CSNK1G1: variants seen among roughly 807,000 people sequenced by gnomAD.
The protein encoded by CSNK1G1 is casein kinase I isoform gamma-1.
CSNK1G1 carries 22 observed loss-of-function variants against 59.6 expected under a neutral mutation model. The observed-to-expected ratio is 0.37, with a 90% CI of 0.26 to 0.53. CSNK1G1 has a LOEUF of 0.53. Among genes scored for constraint, CSNK1G1 ranks in the 20% least tolerant of loss-of-function variants. The probability of loss-of-function intolerance (pLI) is 0.89; values close to 1 mark genes in which losing one functional copy is unlikely to be tolerated. For missense variants in CSNK1G1, 384 were observed against 519.5 expected (o/e 0.74, Z 2.54); for synonymous variants, 179 against 177.1 (o/e 1.01, Z -0.08).
chr15:64,238,512 A>ATATATATATATATATATATAT (rs1555396850), intron 4 of CSNK1G1, among the ~76,000 whole-genome samples: 1 of 114,118 alleles, frequency 8.8e-6, no homozygotes, highest in African/African-American at 4.3e-5. Context: ...AAAAAAAAAA[A>ATATATATATATATATATATAT]AAAAAAATAT....
intron 9 of CSNK1G1, among the ~76,000 whole-genome samples, chr15:64,203,694 TAA>T (rs531367701): frequency 0.071 from 3,990 of 56,030 alleles, 69 homozygotes; most frequent in South Asian, 0.11. Flanking sequence ...TGAAACTCCG[TAA>T]AAAAAAAAAA....
intron 1 of CSNK1G1, among the ~76,000 whole-genome samples, chr15:64,335,469 A>ATGACTGCCTATAC (rs1452351737): frequency 6.6e-6 from 1 of 152,158 alleles, no homozygotes; most frequent in Non-Finnish European, 1.5e-5. Context: ...GTCAGTCACC[A>ATGACTGCCTATAC]TGACTGCCTA....
chr15:64,222,620 G>A (rs2082405919), intron 4 of CSNK1G1, among the ~76,000 whole-genome samples: 1 of 150,820 alleles, frequency 6.6e-6, no homozygotes, highest in African/African-American at 2.4e-5. Context: ...TCAAATATAA[G>A]CTGGTAGTGA....
At chr15:64,184,818 A>G (rs952138634) in intron 10 of CSNK1G1, among the ~76,000 whole-genome samples, 1 of 152,222 alleles carries the variant, frequency 6.6e-6, no homozygotes, top group Non-Finnish European at 1.5e-5. Flanking sequence ...GAGAAAGACT[A>G]AGATGAAGGA....
In CSNK1G1 at chr15:64,171,963, T is replaced by C. The variant is rs2081672453; in HGVS notation, c.1237A>G (p.Lys413Glu). The change falls in exon 12 of 12, where the codon AAA (lysine) becomes GAA (glutamate). Residue 413 changes from lysine (K) to glutamate (E), a missense_variant. Physicochemically the swap from Lys to Glu is moderately conservative, Grantham distance 56. Around this residue, in one of 3 missense-constraint regions of CSNK1G1, gnomAD observed 325 missense variants for 440.9 expected, o/e 0.74. Transcript: ENST00000303052. This position sits in a 1 kb window ranked among gnomAD's most constrained non-coding sequence, Gnocchi z 4.8. Reference sequence around the variant, plus strand: ...TGGCGCTGAGCAGTCTTCTTCCTTTTCCTCTTAAAGAAACAGCAGCACCTG... The same window carrying C: ...TGGCGCTGAGCAGTCTTCTTCCTTTCCCTCTTAAAGAAACAGCAGCACCTG... ...EAKCCCFFKR[K>E]RKKTAQRHK The C allele has an allele frequency of 6.2e-7, 1 of 1,614,008 alleles. No homozygotes were observed.
chr15:64,316,499 G>A (rs188008096), intron 1 of CSNK1G1, among the ~76,000 whole-genome samples: 1 of 129,288 alleles, frequency 7.7e-6, no homozygotes, highest in Non-Finnish European at 1.5e-5. Flanking sequence ...TCATGCCACT[G>A]TTCTCCAGCC....
In CSNK1G1 at chr15:64,300,606, G is replaced by C. The variant is rs993312148; in HGVS notation, c.-107C>G. The C allele has an allele frequency of 9.0e-6, 13 of 1,442,896 alleles. No homozygotes were observed. Among genetic ancestry groups the C allele is most frequent in the African/African-American group, 1.4e-5 (1 of 70,318 alleles). 89.4% of individuals were successfully genotyped at this position (1,442,896 alleles called of 1,614,324 possible). On this transcript the variant is annotated 5_prime_UTR_variant, in exon 2 of 12. Coordinates refer to ENST00000303052, the MANE Select transcript of CSNK1G1 (RefSeq NM_022048.5). Reference sequence around the variant, plus strand: ...ATAAATTGTAGTCAGAGAAAGGTAAGGAGTTCTTTTAGCACCATATTTGTT... The same window carrying C: ...ATAAATTGTAGTCAGAGAAAGGTAACGAGTTCTTTTAGCACCATATTTGTT...
chr15:64,325,657 C>G (rs562411569), intron 1 of CSNK1G1, among the ~76,000 whole-genome samples: 1 of 152,072 alleles, frequency 6.6e-6, no homozygotes, highest in African/African-American at 2.4e-5. Context: ...AATCACATCT[C>G]TAAATTTTTA....
Position 64,201,751 on chromosome 15 carries a change from T to TG in CSNK1G1, c.1107+1330_1107+1331insC, listed in dbSNP as rs1555499642. Among the ~76,000 whole-genome samples the TG allele has an allele frequency of 9.1e-5, 13 of 142,406 alleles. No individual in the cohort carries two copies. The East Asian group carries it at 1.4e-3, about 15-fold the overall frequency. 93.4% of individuals were successfully genotyped at this position (142,406 alleles called of 152,430 possible). On this transcript the variant is annotated intron_variant, in intron 10 of 11. Coordinates refer to ENST00000303052, the MANE Select transcript of CSNK1G1 (RefSeq NM_022048.5). ...GTGTGTGTGTGTGTGTGTGTGTGTG[T>TG]TTATATACTATTCTTAACCTATATA... is the stretch of plus-strand genomic sequence containing the variant.
In CSNK1G1 at chr15:64,176,387, A is replaced by C; in HGVS notation, c.1214+3961T>G. On this transcript the variant is annotated intron_variant, in intron 11 of 11. Transcript: ENST00000303052. This position sits in a 1 kb window ranked among gnomAD's most constrained non-coding sequence, Gnocchi z 5.2. ...GGAAGCGACTCCCTGTGAGCCATGCAAACATGCAGTATGTGTCTGTGTTTA... is the reference window on the plus strand; with the variant it reads ...GGAAGCGACTCCCTGTGAGCCATGCCAACATGCAGTATGTGTCTGTGTTTA... 1 of 397,986 alleles carries C rather than the reference A, an allele frequency of 2.5e-6. No homozygotes were observed. Among genetic ancestry groups the C allele is most frequent in the East Asian group, 3.6e-5 (1 of 28,074 alleles). The allele number at this position is 397,986 out of a possible 1,614,324, so 24.7% of individuals were successfully genotyped here. A position where few individuals can be genotyped will look rare whatever the true frequency, so the allele number is the denominator to read the frequency against.
At position 64,172,380 on chromosome 15, in the gene CSNK1G1, G is replaced by T. The variant is rs971480980; in HGVS notation, c.1215-395C>A. Among the ~76,000 whole-genome samples the T allele has an allele frequency of 7.2e-5, 11 of 152,240 alleles. No individual in the cohort carries two copies. In the South Asian group the frequency reaches 1.0e-3, roughly 14 times the overall value. ...CATTGTCTACTCCTTGATACTGAGG[G>T]CACAATTATTTAATTCAACTCACTG... is the stretch of plus-strand genomic sequence containing the variant. On this transcript the variant is annotated intron_variant, in intron 11 of 11. Transcript: ENST00000303052.
chr15:64,353,215 T>G (rs895305922), intron 1 of CSNK1G1, among the ~76,000 whole-genome samples: 1 of 152,240 alleles, frequency 6.6e-6, no homozygotes, highest in African/African-American at 2.4e-5. Flanking sequence ...GTTATTTGAT[T>G]TTTGTCCTCT....
chr15:64,177,952 G>A (rs1392653977), intron 11 of CSNK1G1, among the ~76,000 whole-genome samples: 5 of 152,192 alleles, frequency 3.3e-5, no homozygotes, highest in East Asian at 1.9e-4. Context: ...GAACAGGTAC[G>A]GCCATCCTTC....
rs1344145157 is a variant in CSNK1G1 at position 64,167,975 on chromosome 15, G to C, written c.*3956C>G. On this transcript the variant is annotated 3_prime_UTR_variant, in exon 12 of 12. Transcript: ENST00000303052. ...TTACATATTTCTGGCATTAAAAGTG[G>C]TTACTAGCACTGAAAATCAACACTG... is the stretch of plus-strand genomic sequence containing the variant. The C allele has an allele frequency of 6.6e-6, 1 of 152,202 alleles. No individual in the cohort carries two copies. Among genetic ancestry groups the C allele is most frequent in the South Asian group, 2.1e-4 (1 of 4,832 alleles). 9.4% of individuals were successfully genotyped at this position (152,202 alleles called of 1,614,324 possible).
At position 64,355,842 on chromosome 15, in the gene CSNK1G1, C is replaced by T. The variant is rs1482838768; in HGVS notation, c.-225+146G>A. 2.0e-5 allele frequency: 3 copies of T among 152,982 alleles called. No individual in the cohort carries two copies. The Admixed American group carries it at 2.0e-4, about 10-fold the overall frequency. 9.5% of individuals were successfully genotyped at this position (152,982 alleles called of 1,614,324 possible). ...TCCATTCCGCCCCCGCAACCCTCCA[C>T]AGACACAAACGCCAGCCTGCGCCCC... On this transcript the variant is annotated intron_variant, in intron 1 of 11. Transcript: ENST00000303052.
chr15:64,208,490 A>G (rs2082210993), intron 6 of CSNK1G1, among the ~76,000 whole-genome samples: 1 of 152,222 alleles, frequency 6.6e-6, no homozygotes, highest in African/African-American at 2.4e-5. Flanking sequence ...AAAACATCCT[A>G]CACATTCTTT....
intron 4 of CSNK1G1, among the ~76,000 whole-genome samples, chr15:64,226,555 AAAACAAACAAAC>A (rs141730302): frequency 8.1e-5 from 12 of 148,416 alleles, no homozygotes; most frequent in South Asian, 2.1e-4. Flanking sequence ...ATTCCGTCTC[AAAACAAACAAAC>A]AAACAAACAA....
intron 1 of CSNK1G1, among the ~76,000 whole-genome samples, chr15:64,352,264 C>T (rs921510386): frequency 2.6e-5 from 4 of 151,414 alleles, no homozygotes; most frequent in African/African-American, 9.7e-5. Flanking sequence ...CAAGATAGTG[C>T]CGCTGCACTC....
At chr15:64,253,116 G>A (rs756705255) in intron 3 of CSNK1G1, among the ~76,000 whole-genome samples, 1 of 151,976 alleles carries the variant, frequency 6.6e-6, no homozygotes, top group Admixed American at 6.6e-5. Flanking sequence ...AGGCTGAGAC[G>A]GCAGAACTGT....
Sources: allele counts gnomAD v4.1 joint callset (sites outside exome capture counted in the v4.1 genomes callset), GRCh38; gene constraint gnomAD v4.1.1; regional missense constraint gnomAD v4.1.1; non-coding constraint Gnocchi (gnomAD v3.1); transcripts MANE v1.5; gene names NCBI Gene and HGNC (gene_info 2026-07-23, HGNC 2026-07-21).